Variants in ABHD3 observed in about 807,000 individuals in gnomAD.
ABHD3 encodes abhydrolase domain containing 3, phospholipase.
ABHD3 carries 46 observed loss-of-function variants against 48.8 expected under a neutral mutation model. The ratio of observed to expected loss-of-function variants is 0.94; its 90% CI spans 0.74 to 1.20. The LOEUF (loss-of-function observed/expected upper bound fraction) is 1.20. ABHD3 is among the 50% of genes most tolerant of loss of function. The pLI is 0.00. For synonymous variants in ABHD3, 192 were observed against 183.7 expected (o/e 1.04, Z -0.36); for missense variants, 490 against 497.8 (o/e 0.98, Z 0.15).
At chr18:21,673,260 C>A (rs1260705009) in intron 4 of ABHD3, among the ~76,000 whole-genome samples, 1 of 152,150 alleles carries the variant, frequency 6.6e-6, no homozygotes, top group Non-Finnish European at 1.5e-5. Context: ...CCACCCTTGA[C>A]CAAATGAATC....
chr18:21,685,418 A>G (rs1229745404), intron 3 of ABHD3, among the ~76,000 whole-genome samples: 1 of 152,272 alleles, frequency 6.6e-6, no homozygotes, highest in Non-Finnish European at 1.5e-5. Flanking sequence ...CTGAAAAGCC[A>G]TATAGAAAAT....
At chr18:21,665,817 A>G (rs1439283394) in intron 4 of ABHD3, among the ~76,000 whole-genome samples, 1 of 151,674 alleles carries the variant, frequency 6.6e-6, no homozygotes, top group Non-Finnish European at 1.5e-5. Context: ...ATCTCAAAAA[A>G]AAAAAAAAGC....
intron 4 of ABHD3, among the ~76,000 whole-genome samples, chr18:21,676,695 G>A (rs929730735): frequency 3.9e-5 from 6 of 152,198 alleles, no homozygotes; most frequent in Non-Finnish European, 7.3e-5. Flanking sequence ...CCGGCCTTAA[G>A]TTGGCTGACA....
chr18:21,667,290 G>C (rs1262070095), intron 4 of ABHD3, among the ~76,000 whole-genome samples: 1 of 137,556 alleles, frequency 7.3e-6, no homozygotes, highest in Non-Finnish European at 1.5e-5. Context: ...TGTTGCCCAG[G>C]CTGGAGTGCA....
At chr18:21,672,403 T>A (rs1233330352) in intron 4 of ABHD3, among the ~76,000 whole-genome samples, 1 of 152,224 alleles carries the variant, frequency 6.6e-6, no homozygotes. Context: ...TCCAGCAAAG[T>A]GAAATCTGAA....
At chr18:21,652,988 G>C (rs1327698308) in intron 8 of ABHD3, among the ~76,000 whole-genome samples, 1 of 142,010 alleles carries the variant, frequency 7.0e-6, no homozygotes, top group Non-Finnish European at 1.5e-5. Flanking sequence ...GGGAGGCAGA[G>C]GCTGCAGTGA....
At chr18:21,702,094 C>G (rs2040525183) in intron 3 of ABHD3, 1 of 418,586 alleles carries the variant, frequency 2.4e-6, no homozygotes, top group Non-Finnish European at 4.3e-6. Flanking sequence ...CAGCCTAAAT[C>G]TGCAGAGTGT....
At chr18:21,702,075 T>C in intron 3 of ABHD3, 2 of 353,116 alleles carry the variant, frequency 5.7e-6, no homozygotes, top group East Asian at 1.0e-4. Context: ...CTAATTTCAT[T>C]CATTAACTCA....
At chr18:21,703,529 GCAAA>G (rs763389911) in intron 2 of ABHD3, 51 bp downstream of exon 2, 21 of 1,571,192 alleles carry the variant, frequency 1.3e-5, no homozygotes, top group South Asian at 2.2e-5. Flanking sequence ...AAGCAAGCAA[GCAAA>G]CAAACAACCT....
intron 4 of ABHD3, among the ~76,000 whole-genome samples, chr18:21,668,625 C>T (rs1598524139): frequency 6.6e-6 from 1 of 152,040 alleles, no homozygotes; most frequent in African/African-American, 2.4e-5. Flanking sequence ...GCAGAGCCTG[C>T]GTTATATGTT....
intron 5 of ABHD3, chr18:21,663,899 A>T (rs1471431980): frequency 6.9e-7 from 1 of 1,441,274 alleles, no homozygotes; most frequent in Non-Finnish European, 9.0e-7. Context: ...CAAAATCCGC[A>T]GTCACAGAGA....
At chr18:21,667,574 A>G (rs1051885719) in intron 4 of ABHD3, among the ~76,000 whole-genome samples, 1 of 152,062 alleles carries the variant, frequency 6.6e-6, no homozygotes, top group African/African-American at 2.4e-5. Context: ...GCCTCAATTA[A>G]ACTCATCCCT....
At chr18:21,671,442 G>GAA (rs1470631375) in intron 4 of ABHD3, among the ~76,000 whole-genome samples, 1 of 152,106 alleles carries the variant, frequency 6.6e-6, no homozygotes, top group Non-Finnish European at 1.5e-5. Context: ...AGGCTTTGCA[G>GAA]AAACTGTCTC....
intron 4 of ABHD3, among the ~76,000 whole-genome samples, chr18:21,668,332 G>A (rs1186486522): frequency 6.6e-6 from 1 of 151,848 alleles, no homozygotes; most frequent in African/African-American, 2.4e-5. Context: ...TTTATTGCAG[G>A]TGAGTCTATT....
intron 3 of ABHD3, among the ~76,000 whole-genome samples, chr18:21,690,122 T>A (rs12373227): frequency 0.17 from 24,460 of 144,820 alleles, 2,357 homozygotes; most frequent in Middle Eastern, 0.27. Flanking sequence ...GTAAAGAATT[T>A]AAAAAAAAAA....
intron 4 of ABHD3, among the ~76,000 whole-genome samples, chr18:21,669,813 C>A (rs573879323): frequency 6.6e-6 from 1 of 152,306 alleles, no homozygotes; most frequent in Admixed American, 6.5e-5. Context: ...CCTGTAGCTT[C>A]TTCCTCCTCA....
chr18:21,663,887 C>A, intron 5 of ABHD3: 1 of 1,443,066 alleles, frequency 6.9e-7, no homozygotes, highest in Non-Finnish European at 9.0e-7. Context: ...CCTTCAGGCT[C>A]ACAAAATCCG....
chr18:21,667,501 A>G (rs959778584), intron 4 of ABHD3, among the ~76,000 whole-genome samples: 1 of 152,104 alleles, frequency 6.6e-6, no homozygotes, highest in African/African-American at 2.4e-5. Flanking sequence ...TCAGCCTCCC[A>G]AAGTGCTGGG....
chr18:21,663,995 T>G, intron 5 of ABHD3, 123 bp downstream of exon 5: 1 of 1,437,246 alleles, frequency 7.0e-7, no homozygotes, highest in African/African-American at 1.4e-5. Flanking sequence ...TAATAAAATA[T>G]GATAAACATA....
Sources: allele counts gnomAD v4.1 joint callset (sites outside exome capture counted in the v4.1 genomes callset), GRCh38; gene constraint gnomAD v4.1.1; transcripts MANE v1.5; gene names NCBI Gene and HGNC (gene_info 2026-07-23, HGNC 2026-07-21).